SLC47A1: variants seen among roughly 807,000 people sequenced by gnomAD.
SLC47A1 encodes the protein multidrug and toxin extrusion protein 1.
SLC47A1 carries 58 observed loss-of-function variants against 65.8 expected under a neutral mutation model. The ratio of observed to expected loss-of-function variants is 0.88; its 90% CI spans 0.71 to 1.10. The LOEUF (loss-of-function observed/expected upper bound fraction) is 1.10, where lower values mean the gene tolerates loss of function less well. Ranked by LOEUF, SLC47A1 falls within the 50% of genes least tolerant of loss-of-function variation. The probability of loss-of-function intolerance (pLI) is 0.00; values close to 1 mark genes in which losing one functional copy is unlikely to be tolerated. For synonymous variants in SLC47A1, 285 were observed against 295.0 expected, an observed-to-expected ratio of 0.97 and a Z score of 0.35; for missense variants, 706 against 719.2, an observed-to-expected ratio of 0.98 and a Z score of 0.21.
chr17:19,544,647 C>T (rs1916238614), intron 2 of SLC47A1, among the ~76,000 whole-genome samples: 1 of 152,258 alleles, frequency 6.6e-6, no homozygotes, highest in Non-Finnish European at 1.5e-5. Context: ...GGACTTCAGA[C>T]CGCCTCTGCA....
chr17:19,565,297 T>C (rs1567972941), intron 12 of SLC47A1, among the ~76,000 whole-genome samples: 1 of 152,206 alleles, frequency 6.6e-6, no homozygotes, highest in East Asian at 1.9e-4. Context: ...ATTTTTACTC[T>C]GTAGTGCTTC....
chr17:19,550,356 C>G (rs749692073), intron 5 of SLC47A1, among the ~76,000 whole-genome samples: 1 of 152,066 alleles, frequency 6.6e-6, no homozygotes, highest in Non-Finnish European at 1.5e-5. Flanking sequence ...CACTCTGTCA[C>G]CCAGGCTGAA....
intron 12 of SLC47A1, among the ~76,000 whole-genome samples, chr17:19,563,625 C>T (rs2084332809): frequency 6.6e-6 from 1 of 151,936 alleles, no homozygotes; most frequent in Non-Finnish European, 1.5e-5. Flanking sequence ...AAAGTTTGCA[C>T]ATAAAAAAGA....
intron 16 of SLC47A1, among the ~76,000 whole-genome samples, chr17:19,576,237 G>A (rs1394138098): frequency 6.7e-6 from 1 of 150,240 alleles, no homozygotes; most frequent in Non-Finnish European, 1.5e-5. Context: ...ATACCAGGGA[G>A]CCATATCTTG....
In SLC47A1 at chr17:19,571,460, A is replaced by C. The variant is rs759133473; in HGVS notation, c.1310-18A>C. ...GTTTTCTATGGAATTAACCTCTATT[A>C]AATATTTCTATTTCTAGGTCTGTGG... is the stretch of plus-strand genomic sequence containing the variant. On this transcript the variant is annotated intron_variant, in intron 14 of 16. Transcript: ENST00000270570. 1 of 1,606,560 alleles carries C rather than the reference A, an allele frequency of 6.2e-7. No homozygotes were observed. Among genetic ancestry groups the C allele is most frequent in the Non-Finnish European group, 8.5e-7 (1 of 1,174,918 alleles).
chr17:19,573,778 G>A (rs1348037271), intron 16 of SLC47A1, among the ~76,000 whole-genome samples: 1 of 152,070 alleles, frequency 6.6e-6, no homozygotes, highest in African/African-American at 2.4e-5. Flanking sequence ...TCTTCAGAGA[G>A]GATTTTCTTT....
At chr17:19,560,562 C>A in intron 12 of SLC47A1, 69 bp downstream of exon 12, 1 of 1,508,396 alleles carries the variant, frequency 6.6e-7, no homozygotes, top group Non-Finnish European at 9.2e-7. Context: ...AAAATTTGTT[C>A]TCTAAAATCA....
At chr17:19,564,902 A>G (rs530756382) in intron 12 of SLC47A1, among the ~76,000 whole-genome samples, 41 of 152,298 alleles carry the variant, frequency 2.7e-4, no homozygotes, top group African/African-American at 9.4e-4. Context: ...TATTTTTAGA[A>G]GAGATGGGAG....
intron 16 of SLC47A1, among the ~76,000 whole-genome samples, chr17:19,574,767 AG>A (rs1183372444): frequency 1.3e-5 from 2 of 152,084 alleles, no homozygotes; most frequent in Non-Finnish European, 2.9e-5. Context: ...CTGGGATTAC[AG>A]GTGTGTGCGG....
intron 4 of SLC47A1, among the ~76,000 whole-genome samples, chr17:19,549,208 T>G (rs1457997792): frequency 2.0e-5 from 3 of 152,088 alleles, no homozygotes; most frequent in African/African-American, 7.2e-5. Flanking sequence ...CAGTTTTGTT[T>G]TTTTTTTTGA....
At chr17:19,563,233 C>T (rs1018686325) in intron 12 of SLC47A1, among the ~76,000 whole-genome samples, 2 of 149,204 alleles carry the variant, frequency 1.3e-5, no homozygotes, top group Admixed American at 6.8e-5. Flanking sequence ...CCCGGGTTCA[C>T]GCCATTCTCC....
chr17:19,578,255 C>T lies in SLC47A1; in HGVS notation c.*702C>T, dbSNP rs1341753217. 8.7e-6 allele frequency: 3 copies of T among 346,232 alleles called. No homozygotes were observed. Among genetic ancestry groups the T allele is most frequent in the Non-Finnish European group, 1.7e-5 (3 of 175,706 alleles). 21.4% of individuals were successfully genotyped at this position (346,232 alleles called of 1,614,324 possible). ...GAAATCCAAACAAAGACTGATAATT[C>T]CTGGTAGGGGTGTGTGCGTGACGTA... On this transcript the variant is annotated 3_prime_UTR_variant, in exon 17 of 17. Transcript: ENST00000270570.
At chr17:19,560,378 T>C (rs751131087) in intron 11 of SLC47A1, 40 bp from the exon 12 acceptor site, 3 of 1,613,124 alleles carry the variant, frequency 1.9e-6, no homozygotes, top group Non-Finnish European at 1.7e-6. Context: ...GTGGATCTTC[T>C]TGTTCACTGT....
chr17:19,542,566 A>C, intron 2 of SLC47A1, 72 bp downstream of exon 2: 1 of 1,239,856 alleles, frequency 8.1e-7, no homozygotes, highest in Non-Finnish European at 1.1e-6. Flanking sequence ...ATAACAAATC[A>C]TCAAAATGTA....
intron 6 of SLC47A1, among the ~76,000 whole-genome samples, chr17:19,553,610 C>T (rs1916517132): frequency 6.7e-6 from 1 of 149,862 alleles, no homozygotes; most frequent in Admixed American, 6.7e-5. Flanking sequence ...GACGTGACCT[C>T]GGCTCACTGC....
At chr17:19,572,917 G>C in intron 16 of SLC47A1, 56 bp downstream of exon 16, 2 of 1,478,220 alleles carry the variant, frequency 1.4e-6, no homozygotes, top group Non-Finnish European at 1.9e-6. Flanking sequence ...GACTGGAGGG[G>C]CTGTTAGTGA....
In SLC47A1 at chr17:19,579,019, A is replaced by G. The variant is rs2084460578; in HGVS notation, c.*1466A>G. 6.6e-6 allele frequency: 1 copy of G among 152,256 alleles called. No individual in the cohort carries two copies. Among genetic ancestry groups the G allele is most frequent in the Non-Finnish European group, 1.5e-5 (1 of 68,050 alleles). The allele number at this position is 152,256 out of a possible 1,614,324, so 9.4% of individuals were successfully genotyped here. A position where few individuals can be genotyped will look rare whatever the true frequency, so the allele number is the denominator to read the frequency against. The stretch of plus-strand genomic sequence containing the variant: ...ACATGCAATTCTTTCTTCCAAAATA[A>G]AACATTAAATAGAGATTTTGCCTCT... On this transcript the variant is annotated 3_prime_UTR_variant, in exon 17 of 17. Coordinates refer to ENST00000270570, the MANE Select transcript of SLC47A1 (RefSeq NM_018242.3).
At chr17:19,543,527 C>CA (rs2152312664) in intron 2 of SLC47A1, among the ~76,000 whole-genome samples, 1 of 152,328 alleles carries the variant, frequency 6.6e-6, no homozygotes, top group East Asian at 1.9e-4. Context: ...GACTCCCCCC[C>CA]ATGCCCACTC....
chr17:19,533,992 T>G lies in SLC47A1; in HGVS notation c.53T>G (p.Leu18Arg). 1 of 1,544,450 alleles carries G rather than the reference T, an allele frequency of 6.5e-7. No individual in the cohort carries two copies. The change falls in exon 1 of 17, where the codon CTT becomes CGT. Residue 18 changes from leucine to arginine, a missense_variant. Physicochemically the swap from Leu to Arg is moderately radical, Grantham distance 102. Transcript: ENST00000270570. ...APVRGGPEAT[L>R]EVRGSRCLRL... is the part of the protein sequence containing the mutation. The stretch of plus-strand genomic sequence containing the variant: ...GTGCGCGGAGGCCCGGAGGCCACCC[T>G]TGAGGTCCGTGGGTCGCGCTGCTTG...
Sources: allele counts gnomAD v4.1 joint callset (sites outside exome capture counted in the v4.1 genomes callset), GRCh38; gene constraint gnomAD v4.1.1; transcripts MANE v1.5; gene names NCBI Gene and HGNC (gene_info 2026-07-23, HGNC 2026-07-21).